The following MRPS31 variants were observed in gnomAD, a reference collection of about 807,000 sequenced individuals.
The protein encoded by MRPS31 is mitochondrial ribosomal protein S31.
Under a neutral mutation model 43.1 loss-of-function variants are expected in MRPS31, and 32 were observed. The ratio of observed to expected loss-of-function variants is 0.74; its 90% CI spans 0.56 to 1.00. The LOEUF (loss-of-function observed/expected upper bound fraction) is 1.00. MRPS31 is among the 50% of genes least tolerant of loss of function. The pLI is 0.00. For synonymous variants in MRPS31, 165 were observed against 161.6 expected, an observed-to-expected ratio of 1.02 and a Z score of -0.16; for missense variants, 437 against 466.7, an observed-to-expected ratio of 0.94 and a Z score of 0.59.
chr13:40,739,317 T>A (rs995400610), intron 6 of MRPS31, among the ~76,000 whole-genome samples: 1 of 152,208 alleles, frequency 6.6e-6, no homozygotes, highest in African/African-American at 2.4e-5. Context: ...GAACATTCCA[T>A]GCTTATAGAT....
At chr13:40,764,497 T>G (rs754154497) in intron 2 of MRPS31, among the ~76,000 whole-genome samples, 6 of 152,150 alleles carry the variant, frequency 3.9e-5, no homozygotes, top group Non-Finnish European at 5.9e-5. Flanking sequence ...TCAGGAGTGG[T>G]TGTGATAAAA....
intron 1 of MRPS31, among the ~76,000 whole-genome samples, chr13:40,770,075 T>G (rs1880964594): frequency 6.6e-6 from 1 of 152,246 alleles, no homozygotes; most frequent in Admixed American, 6.5e-5. Flanking sequence ...TCCGCATTCT[T>G]CTGTTAACAT....
intron 6 of MRPS31, among the ~76,000 whole-genome samples, chr13:40,735,043 T>C (rs1467515073): frequency 2.6e-5 from 4 of 151,936 alleles, no homozygotes; most frequent in Non-Finnish European, 5.9e-5. Flanking sequence ...CACTAGGGAG[T>C]GCCAGACAGT....
At chr13:40,770,639 C>T (rs537723432) in intron 1 of MRPS31, 26 of 326,946 alleles carry the variant, frequency 8.0e-5, no homozygotes, top group Admixed American at 2.3e-4. Flanking sequence ...AGTACTGGCA[C>T]GCTGTTTTTC....
intron 4 of MRPS31, among the ~76,000 whole-genome samples, chr13:40,755,008 T>A (rs1880491899): frequency 6.6e-6 from 1 of 152,252 alleles, no homozygotes; most frequent in African/African-American, 2.4e-5. Flanking sequence ...CACTCCAGGC[T>A]GGGCGATAAG....
chr13:40,770,789 G>A, intron 1 of MRPS31, 196 bp downstream of exon 1: 1 of 625,032 alleles, frequency 1.6e-6, no homozygotes, highest in Non-Finnish European at 2.7e-6. Flanking sequence ...GCGTGTAGTA[G>A]AGCACAGCGA....
chr13:40,769,345 A>T (rs2138021410), intron 1 of MRPS31, among the ~76,000 whole-genome samples: 1 of 139,564 alleles, frequency 7.2e-6, no homozygotes, highest in South Asian at 2.4e-4. Context: ...ACTGCACTCC[A>T]GCCTAAGCGA....
rs61011673 is a variant in MRPS31, at chr13:40,741,888, T to TACACACACACACAC, written c.958+7236_958+7249dup. On this transcript the variant is annotated intron_variant, in intron 6 of 6. Transcript: ENST00000323563. ...CAAGATATATTGCTAAGTAACAAAA[T>TACACACACACACAC]ACACACACACACACACACACACACA... Among the ~76,000 whole-genome samples the TACACACACACACAC allele has an allele frequency of 2.8e-3, 392 of 140,820 alleles. 6 individuals are homozygous for TACACACACACACAC. The highest frequency in any genetic ancestry group is 9.9e-3 in the African/African-American group (364 of 36,656). 92.4% of individuals were successfully genotyped at this position (140,820 alleles called of 152,430 possible).
chr13:40,737,449 A>T (rs542938012), intron 6 of MRPS31, among the ~76,000 whole-genome samples: 1 of 151,006 alleles, frequency 6.6e-6, no homozygotes, highest in Non-Finnish European at 1.5e-5. Context: ...GACATCTACA[A>T]AACTCTCCAC....
intron 2 of MRPS31, 149 bp from the exon 3 acceptor site, chr13:40,759,255 G>A: frequency 2.0e-6 from 1 of 506,758 alleles, no homozygotes; most frequent in Non-Finnish European, 3.3e-6. Flanking sequence ...TGGCCAACAT[G>A]GTGAAACCCC....
chr13:40,752,169 A>C (rs868507442), intron 5 of MRPS31: 2 of 152,032 alleles, frequency 1.3e-5, no homozygotes, highest in Middle Eastern at 3.4e-3. Flanking sequence ...GATTACAGGC[A>C]CCCGCCACCA....
At chr13:40,733,815 A>G (rs1879783629) in intron 6 of MRPS31, among the ~76,000 whole-genome samples, 1 of 152,138 alleles carries the variant, frequency 6.6e-6, no homozygotes, top group Non-Finnish European at 1.5e-5. Context: ...TAATAAAAAT[A>G]TAAAAAATTA....
At chr13:40,767,206 G>A (rs1593280015) in intron 1 of MRPS31, among the ~76,000 whole-genome samples, 173 bp from the exon 2 acceptor site, 1 of 151,132 alleles carries the variant, frequency 6.6e-6, no homozygotes. Context: ...TGCCCAGGCT[G>A]GAGTGCAATG....
At chr13:40,734,127 TGGAGCAAA>T (rs1187357848) in intron 6 of MRPS31, among the ~76,000 whole-genome samples, 2 of 152,068 alleles carry the variant, frequency 1.3e-5, no homozygotes, top group African/African-American at 4.8e-5. Context: ...AGAAAGACAA[TGGAGCAAA>T]GGCTTATTGT....
At chr13:40,750,391 G>A (rs558794874) in intron 5 of MRPS31, among the ~76,000 whole-genome samples, 20 of 152,138 alleles carry the variant, frequency 1.3e-4, no homozygotes, top group South Asian at 8.3e-4. Flanking sequence ...GTGTGTTTGC[G>A]TGTATTGCAA....
At chr13:40,757,405 G>A (rs928920562) in intron 3 of MRPS31, among the ~76,000 whole-genome samples, 1 of 147,378 alleles carries the variant, frequency 6.8e-6, no homozygotes, top group African/African-American at 2.5e-5. Context: ...AATAAAATGA[G>A]TCACTGAACT....
At chr13:40,747,792 A>AAGAT (rs1880279976) in intron 6 of MRPS31, among the ~76,000 whole-genome samples, 1 of 152,092 alleles carries the variant, frequency 6.6e-6, no homozygotes, top group Non-Finnish European at 1.5e-5. Context: ...GCAGTGAGCC[A>AAGAT]AGATAGCACC....
In MRPS31 at chr13:40,747,760, T is replaced by C. The variant is rs368729678; in HGVS notation, c.958+1378A>G. On this transcript the variant is annotated intron_variant, in intron 6 of 6. Transcript: ENST00000323563. ...CGGGAGGCTGAGGCATGAGAATTGC[T>C]TGAACCCGGGAGGAGGAGGTTGCAG... Among the ~76,000 whole-genome samples the C allele has an allele frequency of 1.2e-4, 19 of 152,124 alleles. 1 individual carries two copies. The South Asian group carries it at 3.7e-3, about 30-fold the overall frequency.
At chr13:40,767,459 T>C (rs1880883993) in intron 1 of MRPS31, among the ~76,000 whole-genome samples, 1 of 152,252 alleles carries the variant, frequency 6.6e-6, no homozygotes, top group Non-Finnish European at 1.5e-5. Context: ...TTGTGAAATA[T>C]ACTTTATTTA....
Sources: gnomAD v4.1 joint callset for allele counts (sites outside exome capture counted in the v4.1 genomes callset) on GRCh38, gnomAD v4.1.1 for gene constraint, MANE v1.5 for transcripts, NCBI Gene and HGNC (gene_info 2026-07-23, HGNC 2026-07-21) for gene names.